The following CADM2 variants were observed in gnomAD, a reference collection of about 807,000 sequenced individuals.
The protein encoded by CADM2 is immunoglobulin superfamily member 4D.
Under a neutral mutation model 49.8 loss-of-function variants are expected in CADM2, and 12 were observed. The observed-to-expected ratio is 0.24, with a 90% CI of 0.15 to 0.39. CADM2 has a LOEUF of 0.39. Ranked by LOEUF, CADM2 falls within the 10% of genes least tolerant of loss-of-function variation. The pLI is 1.00. For missense variants in CADM2, 378 were observed against 492.3 expected (o/e 0.77, Z 2.20); for synonymous variants, 214 against 175.4 (o/e 1.22, Z -1.74).
intron 1 of CADM2, among the ~76,000 whole-genome samples, chr3:85,179,968 A>G (rs1256133639): frequency 6.6e-6 from 1 of 152,150 alleles, no homozygotes; most frequent in African/African-American, 2.4e-5. Context: ...TATGCATAAA[A>G]ATGCTACAGG....
rs929791098 is a variant in CADM2 at position 85,198,350 on chromosome 3, G to A, written c.61+238682G>A. 4.0e-5 allele frequency among the ~76,000 whole-genome samples: 6 copies of A among 150,330 alleles called. No homozygotes were observed. In the East Asian group the frequency reaches 7.8e-4, roughly 20 times the overall value. On this transcript the variant is annotated intron_variant, in intron 1 of 9. Coordinates refer to ENST00000383699, the MANE Select transcript of CADM2 (RefSeq NM_001167675.2). ...CCTTTGGTACAGCTGCAGGGGAGAT[G>A]TGTTCTTTATTTCTTTTGATTATAT...
At chr3:85,869,954 C>T (rs533400243) in intron 3 of CADM2, among the ~76,000 whole-genome samples, 19 of 152,288 alleles carry the variant, frequency 1.2e-4, no homozygotes, top group African/African-American at 4.1e-4. Context: ...AGCCACCGCG[C>T]CCTGCCCTAT....
intron 1 of CADM2, among the ~76,000 whole-genome samples, chr3:85,649,102 T>G (rs2107575776): frequency 6.6e-6 from 1 of 152,232 alleles, no homozygotes; most frequent in East Asian, 1.9e-4. Context: ...TAAATAAATT[T>G]CTATTTTAAA....
At chr3:85,519,247 AACT>A (rs765415594) in intron 1 of CADM2, among the ~76,000 whole-genome samples, 1 of 152,234 alleles carries the variant, frequency 6.6e-6, no homozygotes, top group East Asian at 1.9e-4. Context: ...TTTCTTAGAC[AACT>A]ATAGCAGTAA....
chr3:85,741,895 G>T (rs1277729187), intron 2 of CADM2, among the ~76,000 whole-genome samples: 1 of 152,104 alleles, frequency 6.6e-6, no homozygotes, highest in Admixed American at 6.5e-5. Context: ...TAAATCAGTT[G>T]AATTATAAGG....
At chr3:86,033,186 C>T (rs938283893) in intron 8 of CADM2, among the ~76,000 whole-genome samples, 1 of 151,830 alleles carries the variant, frequency 6.6e-6, no homozygotes, top group African/African-American at 2.4e-5. Flanking sequence ...CACCACTCCA[C>T]AGGACCACCT....
intron 3 of CADM2, among the ~76,000 whole-genome samples, chr3:85,819,903 C>G (rs1435151349): frequency 1.3e-5 from 2 of 151,978 alleles, no homozygotes; most frequent in Non-Finnish European, 2.9e-5. Context: ...TATGGTTTGT[C>G]TGAGAGTGCA....
At chr3:85,639,210 T>C (rs528255765) in intron 1 of CADM2, among the ~76,000 whole-genome samples, 3 of 152,334 alleles carry the variant, frequency 2.0e-5, no homozygotes, top group African/African-American at 7.2e-5. Context: ...ATCTTTCTTT[T>C]AGTTTTTCAT....
Position 84,959,194 on chromosome 3 carries a change from T to C in CADM2, c.-414T>C, listed in dbSNP as rs2030197116. ...CTTGCTCCTCCTCTCCCCCAGCCCT[T>C]CCCCTCCGTGACCTACCCACTCCTT... On this transcript the variant is annotated 5_prime_UTR_variant, in exon 1 of 10. Transcript: ENST00000383699. 2 of 252,136 alleles carry C rather than the reference T, an allele frequency of 7.9e-6. No homozygotes were observed. The highest frequency in any genetic ancestry group is 2.3e-5 in the African/African-American group (1 of 43,086). The allele number at this position is 252,136 out of a possible 1,614,324, so 15.6% of individuals were successfully genotyped here. A position where few individuals can be genotyped will look rare whatever the true frequency, so the allele number is the denominator to read the frequency against.
At chr3:85,621,337 A>T (rs377548988) in intron 1 of CADM2, among the ~76,000 whole-genome samples, 1 of 152,186 alleles carries the variant, frequency 6.6e-6, no homozygotes, top group South Asian at 2.1e-4. Flanking sequence ...TTTAAATAAA[A>T]GACAATAATA....
At chr3:85,793,356 A>G (rs1305525271) in intron 2 of CADM2, among the ~76,000 whole-genome samples, 1 of 152,194 alleles carries the variant, frequency 6.6e-6, no homozygotes, top group Non-Finnish European at 1.5e-5. Flanking sequence ...CTAGCAATTC[A>G]AGATCACTGT....
intron 1 of CADM2, among the ~76,000 whole-genome samples, chr3:85,228,753 T>C (rs1345503967): frequency 1.3e-5 from 2 of 152,068 alleles, no homozygotes; most frequent in Non-Finnish European, 2.9e-5. Context: ...ATGAGGTGTC[T>C]GTCAGCCCCT....
chr3:85,102,644 C>G (rs1233929652), intron 1 of CADM2, among the ~76,000 whole-genome samples: 1 of 152,180 alleles, frequency 6.6e-6, no homozygotes, highest in African/African-American at 2.4e-5. Context: ...ATTTCTCACA[C>G]TGACTTAGGA....
At chr3:85,458,598 C>A (rs1045753161) in intron 1 of CADM2, among the ~76,000 whole-genome samples, 2 of 152,128 alleles carry the variant, frequency 1.3e-5, no homozygotes, top group African/African-American at 4.8e-5. Flanking sequence ...CCTCTCATTG[C>A]CTTTCTGCTT....
intron 1 of CADM2, among the ~76,000 whole-genome samples, chr3:85,097,919 T>C (rs1341421718): frequency 2.0e-5 from 3 of 152,312 alleles, no homozygotes; most frequent in Admixed American, 6.5e-5. Flanking sequence ...TAAAGCTTCA[T>C]TCACAAACCT....
chr3:85,779,197 A>ATT (rs397875485), intron 2 of CADM2, among the ~76,000 whole-genome samples: 10 of 148,458 alleles, frequency 6.7e-5, no homozygotes, highest in African/African-American at 2.0e-4. Context: ...TGAGTTAATG[A>ATT]TTTTTTTTTT....
chr3:85,139,062 G>A (rs529789181), intron 1 of CADM2, among the ~76,000 whole-genome samples: 1 of 152,230 alleles, frequency 6.6e-6, no homozygotes, highest in Admixed American at 6.5e-5. Flanking sequence ...AGTGCAGGTT[G>A]GGCAGTTATC....
intron 1 of CADM2, among the ~76,000 whole-genome samples, chr3:85,344,500 G>T (rs72903279): frequency 0.033 from 5,051 of 152,012 alleles, 300 homozygotes; most frequent in African/African-American, 0.11. Flanking sequence ...GGGGGTGTTT[G>T]TAGTAGAGAT....
chr3:85,637,855 T>C (rs1453933745), intron 1 of CADM2, among the ~76,000 whole-genome samples: 5 of 152,110 alleles, frequency 3.3e-5, no homozygotes, highest in Admixed American at 6.5e-5. Flanking sequence ...AAGACAAATT[T>C]ATCACAAAAA....
Sources: gnomAD v4.1 joint callset for allele counts (sites outside exome capture counted in the v4.1 genomes callset) on GRCh38, gnomAD v4.1.1 for gene constraint, MANE v1.5 for transcripts, NCBI Gene and HGNC (gene_info 2026-07-23, HGNC 2026-07-21) for gene names.